The following SLC44A5 variants were observed in gnomAD, a reference collection of about 807,000 sequenced individuals.
SLC44A5 encodes the protein choline transporter-like protein 5.
SLC44A5 carries 57 observed loss-of-function variants against 101.8 expected under a neutral mutation model. The observed-to-expected ratio is 0.56, with a 90% confidence interval of 0.45 to 0.70. SLC44A5 has a LOEUF of 0.70. Ranked by LOEUF, SLC44A5 falls within the 30% of genes least tolerant of loss-of-function variation. The pLI, the probability that SLC44A5 is intolerant of heterozygous loss-of-function variation, is 0.00. For synonymous variants in SLC44A5, 281 were observed against 290.9 expected, an observed-to-expected ratio of 0.97 and a Z score of 0.35; for missense variants, 737 against 853.1, an observed-to-expected ratio of 0.86 and a Z score of 1.70.
At chr1:75,557,551 A>G (rs1484676856) in intron 1 of SLC44A5, among the ~76,000 whole-genome samples, 1 of 152,130 alleles carries the variant, frequency 6.6e-6, no homozygotes, top group African/African-American at 2.4e-5. Flanking sequence ...TTGTCAGGGT[A>G]ATTTTCCACA....
chr1:75,443,677 G>T (rs1430883949), intron 2 of SLC44A5, among the ~76,000 whole-genome samples: 1 of 149,430 alleles, frequency 6.7e-6, no homozygotes, highest in African/African-American at 2.5e-5. Flanking sequence ...ATGTTCCAAA[G>T]AACAAAATAA....
At chr1:75,690,262 G>T in the SLC44A5 span, among the ~76,000 whole-genome samples, 6 of 152,156 alleles carry the variant, frequency 3.9e-5, no homozygotes, top group Admixed American at 3.9e-4. Context: ...CATGGTGGCA[G>T]GCAAGAGAGA....
At chr1:75,366,752 T>G (rs969840757) in intron 3 of SLC44A5, among the ~76,000 whole-genome samples, 13 of 152,188 alleles carry the variant, frequency 8.5e-5, no homozygotes, top group Non-Finnish European at 1.8e-4. Context: ...ACCAGGTAAT[T>G]TCAAATGAGC....
At chr1:75,418,144 G>A (rs925735580) in intron 2 of SLC44A5, among the ~76,000 whole-genome samples, 1 of 152,138 alleles carries the variant, frequency 6.6e-6, no homozygotes, top group Admixed American at 6.6e-5. Context: ...CTTGTTGCTT[G>A]CGTTCTGTGC....
intron 3 of SLC44A5, among the ~76,000 whole-genome samples, chr1:75,346,468 C>T (rs1312687895): frequency 6.6e-6 from 1 of 152,138 alleles, no homozygotes; most frequent in African/African-American, 2.4e-5. Flanking sequence ...TGCCTCTTAA[C>T]AGACTGATTT....
chr1:75,638,574 A>G, the SLC44A5 span, among the ~76,000 whole-genome samples: 2 of 152,076 alleles, frequency 1.3e-5, no homozygotes, highest in African/African-American at 4.8e-5. Context: ...AGAGACAGCA[A>G]TTGAATATAC....
intron 6 of SLC44A5, among the ~76,000 whole-genome samples, chr1:75,270,560 C>G (rs1403254341): frequency 6.6e-6 from 1 of 151,930 alleles, no homozygotes; most frequent in Non-Finnish European, 1.5e-5. Flanking sequence ...AAGAAGGAAG[C>G]CATCAAAATA....
chr1:75,281,819 G>T (rs1448390115), intron 5 of SLC44A5, among the ~76,000 whole-genome samples: 1 of 152,150 alleles, frequency 6.6e-6, no homozygotes, highest in Non-Finnish European at 1.5e-5. Context: ...AAGAATTGAG[G>T]TTTGGGAACC....
At chr1:75,376,577 C>T (rs539287560) in intron 3 of SLC44A5, among the ~76,000 whole-genome samples, 33 of 152,270 alleles carry the variant, frequency 2.2e-4, no homozygotes, top group African/African-American at 6.5e-4. Flanking sequence ...CACACTGACA[C>T]CTCACACGGC....
chr1:75,509,931 C>T (rs1255539677), intron 2 of SLC44A5, among the ~76,000 whole-genome samples: 2 of 152,150 alleles, frequency 1.3e-5, no homozygotes. Context: ...GTTTAATTGA[C>T]TCACAGTTCC....
intron 12 of SLC44A5, among the ~76,000 whole-genome samples, chr1:75,233,284 G>T (rs1263719967): frequency 6.6e-6 from 1 of 151,986 alleles, no homozygotes; most frequent in Non-Finnish European, 1.5e-5. Flanking sequence ...GGCTCTTAGT[G>T]TATCCATCAC....
At chr1:75,698,073 G>C in the SLC44A5 span, among the ~76,000 whole-genome samples, 5 of 152,226 alleles carry the variant, frequency 3.3e-5, no homozygotes, top group African/African-American at 9.6e-5. Flanking sequence ...GTGAGGCTGG[G>C]AGAGGGGTGT....
intron 2 of SLC44A5, among the ~76,000 whole-genome samples, chr1:75,463,057 A>G (rs1354773491): frequency 6.6e-6 from 1 of 152,138 alleles, no homozygotes; most frequent in Non-Finnish European, 1.5e-5. Context: ...TAGAACATCA[A>G]GCAGATTTAA....
Position 75,213,728 on chromosome 1 carries a change from T to G in SLC44A5, c.1939A>C (p.Asn647His). 1 of 1,612,526 alleles carries G rather than the reference T, an allele frequency of 6.2e-7. No individual in the cohort carries two copies. ...PVIAQGPASL[N>H]YYWVPLLTVI... ...ACCAGCAAAGGTACCCAGTAGTAAT[T>G]TAAAGATGCTGGTCCTTGTGCAATC... Residue 647 changes from asparagine to histidine, a missense_variant, in exon 22 of 24, where the codon AAT (asparagine) becomes CAT (histidine). Physicochemically the swap from Asn to His is moderately conservative, Grantham distance 68. Around this residue, in one of 3 missense-constraint regions of SLC44A5, gnomAD observed 11 missense variants for 32.2 expected, o/e 0.34. Coordinates refer to ENST00000370859, the MANE Select transcript of SLC44A5 (RefSeq NM_001130058.2).
At chr1:75,593,269 T>C (rs1220674149) in intron 1 of SLC44A5, among the ~76,000 whole-genome samples, 1 of 151,978 alleles carries the variant, frequency 6.6e-6, no homozygotes, top group Non-Finnish European at 1.5e-5. Context: ...GAAATACAAA[T>C]CAAAACTAAA....
chr1:75,581,387 T>A (rs970419345), intron 1 of SLC44A5, among the ~76,000 whole-genome samples: 22 of 152,348 alleles, frequency 1.4e-4, no homozygotes, highest in Non-Finnish European at 3.2e-4. Context: ...ATGAACTGGC[T>A]TATACTCAAA....
chr1:75,716,025 G>A, the SLC44A5 span, among the ~76,000 whole-genome samples: 185 of 152,262 alleles, frequency 1.2e-3, 1 homozygote, highest in Non-Finnish European at 7.4e-5. Flanking sequence ...CTTTTGAAAA[G>A]AAGAGAGACA....
chr1:75,567,292 T>A (rs958611984), intron 1 of SLC44A5, among the ~76,000 whole-genome samples: 3 of 152,158 alleles, frequency 2.0e-5, no homozygotes, highest in Non-Finnish European at 4.4e-5. Flanking sequence ...AACCTCAGAA[T>A]TCACCCAGAA....
chr1:75,248,285 C>A (rs927295415), intron 7 of SLC44A5, among the ~76,000 whole-genome samples: 1 of 151,948 alleles, frequency 6.6e-6, no homozygotes, highest in Non-Finnish European at 1.5e-5. Context: ...GATGAATGAT[C>A]AAGCCATAGC....
Sources: allele counts gnomAD v4.1 joint callset (sites outside exome capture counted in the v4.1 genomes callset), GRCh38; gene constraint gnomAD v4.1.1; regional missense constraint gnomAD v4.1.1; transcripts MANE v1.5; gene names NCBI Gene and HGNC (gene_info 2026-07-23, HGNC 2026-07-21).